Variants in CACNG2 observed in about 807,000 individuals in gnomAD.
CACNG2 encodes the protein voltage-dependent calcium channel gamma-2 subunit.
CACNG2 carries 3 observed loss-of-function variants against 25.9 expected under a neutral mutation model. The observed-to-expected ratio is 0.12, with a 90% CI of 0.05 to 0.30. The LOEUF is 0.30. Ranked by LOEUF, CACNG2 falls within the 10% of genes least tolerant of loss-of-function variation. The probability of loss-of-function intolerance (pLI) is 1.00; values close to 1 mark genes in which losing one functional copy is unlikely to be tolerated. For missense variants in CACNG2, 341 were observed against 432.5 expected, an observed-to-expected ratio of 0.79 and a Z score of 1.88; for synonymous variants, 167 against 173.3, an observed-to-expected ratio of 0.96 and a Z score of 0.29.
At chr22:36,576,824 G>A (rs1313346893) in intron 2 of CACNG2, among the ~76,000 whole-genome samples, 1 of 152,132 alleles carries the variant, frequency 6.6e-6, no homozygotes, top group Non-Finnish European at 1.5e-5. Context: ...CCCTCATAGG[G>A]TGGTTGTGAA....
At chr22:36,591,203 A>AT (rs930640312) in intron 1 of CACNG2, among the ~76,000 whole-genome samples, 270 of 147,884 alleles carry the variant, frequency 1.8e-3, no homozygotes, top group Middle Eastern at 7.1e-3. Flanking sequence ...CGCCCGGCTA[A>AT]TTTTTTTTTT....
chr22:36,607,790 C>T (rs562419340), intron 1 of CACNG2, among the ~76,000 whole-genome samples: 1 of 152,340 alleles, frequency 6.6e-6, no homozygotes, highest in South Asian at 2.1e-4. Flanking sequence ...GGATTCCCAG[C>T]TAGATCCAAT....
intron 1 of CACNG2, among the ~76,000 whole-genome samples, chr22:36,646,689 G>T (rs1314192429): frequency 6.6e-6 from 1 of 151,564 alleles, no homozygotes; most frequent in East Asian, 2.0e-4. Flanking sequence ...CTAGTTGTAT[G>T]CTCTTTTCTT....
chr22:36,650,186 C>G (rs1936586707), intron 1 of CACNG2, among the ~76,000 whole-genome samples: 3 of 152,184 alleles, frequency 2.0e-5, no homozygotes. Flanking sequence ...CAAGTTAGGT[C>G]ACTTCTCTGC....
chr22:36,637,358 G>GTA (rs1936372648), intron 1 of CACNG2, among the ~76,000 whole-genome samples: 1 of 152,226 alleles, frequency 6.6e-6, no homozygotes, highest in Admixed American at 6.5e-5. Flanking sequence ...CCACTGACGA[G>GTA]TATTAGTGGA....
rs116075237 is a variant in CACNG2, at chr22:36,580,283, G to A, written c.295+7182C>T. 5.9e-3 allele frequency among the ~76,000 whole-genome samples: 904 copies of A among 152,106 alleles called. 7 individuals carry two copies. The highest frequency in any genetic ancestry group is 0.021 in the African/African-American group (860 of 41,486). On this transcript the variant is annotated intron_variant, in intron 2 of 3. Transcript: ENST00000300105. ...CACCCCCCAGACGGCCATCGTATGGGTCCTCCCTGCCTTGGCCGCCTTCTG... is the reference window on the plus strand; with the variant it reads ...CACCCCCCAGACGGCCATCGTATGGATCCTCCCTGCCTTGGCCGCCTTCTG...
rs1937426801 is a variant in CACNG2 at position 36,702,767 on chromosome 22, G to A, written c.-191C>T. 1.8e-6 allele frequency: 1 copy of A among 543,126 alleles called. No individual in the cohort carries two copies. Among genetic ancestry groups the A allele is most frequent in the Non-Finnish European group, 3.2e-6 (1 of 309,102 alleles). The allele number at this position is 543,126 out of a possible 1,614,324, so 33.6% of individuals were successfully genotyped here. On this transcript the variant is annotated 5_prime_UTR_variant, in exon 1 of 4. Transcript: ENST00000300105. Reference sequence around the variant, plus strand: ...GAGGTAAGAAAGCTCACGGAAAAGAGTGTAAATTATAAAGATCACACGGGA... The same window carrying A: ...GAGGTAAGAAAGCTCACGGAAAAGAATGTAAATTATAAAGATCACACGGGA...
chr22:36,697,486 G>T (rs1021966673), intron 1 of CACNG2, among the ~76,000 whole-genome samples: 2 of 152,190 alleles, frequency 1.3e-5, no homozygotes, highest in Non-Finnish European at 2.9e-5. Context: ...AGTCATAAGG[G>T]GCCTGGATTC....
intron 2 of CACNG2, among the ~76,000 whole-genome samples, chr22:36,577,422 C>T (rs112033560): frequency 0.023 from 3,511 of 151,990 alleles, 61 homozygotes; most frequent in East Asian, 0.036. Flanking sequence ...GAGGCCGAGG[C>T]GGGTGGATCA....
intron 1 of CACNG2, among the ~76,000 whole-genome samples, chr22:36,609,807 C>A (rs372821488): frequency 8.0e-5 from 12 of 150,806 alleles, no homozygotes; most frequent in African/African-American, 2.9e-4. Context: ...AGGAATCAGT[C>A]CCCCAGAGCA....
chr22:36,589,100 C>T (rs529463638), intron 1 of CACNG2, among the ~76,000 whole-genome samples: 5 of 151,106 alleles, frequency 3.3e-5, no homozygotes, highest in East Asian at 3.9e-4. Context: ...AAGTGATTCT[C>T]CTGCGTCAGC....
chr22:36,623,756 AACT>A lies in CACNG2; in HGVS notation c.212-36211_212-36209del, dbSNP rs1220740771. Among the ~76,000 whole-genome samples the A allele has an allele frequency of 5.9e-5, 9 of 151,896 alleles. No homozygotes were observed. The East Asian group carries it at 1.6e-3, about 26-fold the overall frequency. ...CGATGGTAATAAAAATGATAATGAT[AACT>A]ACTATTAGTATCATTCATTAAGACA... On this transcript the variant is annotated intron_variant, in intron 1 of 3. Coordinates refer to ENST00000300105, the MANE Select transcript of CACNG2 (RefSeq NM_006078.5).
At chr22:36,620,796 G>A (rs1427101706) in intron 1 of CACNG2, among the ~76,000 whole-genome samples, 6 of 152,202 alleles carry the variant, frequency 3.9e-5, no homozygotes, top group Non-Finnish European at 8.8e-5. Flanking sequence ...TATTTACCAG[G>A]TTCTGTCTTG....
At chr22:36,682,415 T>A (rs1000188485) in intron 1 of CACNG2, among the ~76,000 whole-genome samples, 1 of 152,112 alleles carries the variant, frequency 6.6e-6, no homozygotes, top group East Asian at 1.9e-4. Flanking sequence ...CAATAGGTAG[T>A]GTTTTTCTTC....
chr22:36,639,319 AG>A (rs1368522123), intron 1 of CACNG2, among the ~76,000 whole-genome samples: 10 of 152,236 alleles, frequency 6.6e-5, no homozygotes, highest in Non-Finnish European at 1.2e-4. Context: ...CATAAAGGGA[AG>A]TTAGGTCAGT....
intron 2 of CACNG2, among the ~76,000 whole-genome samples, chr22:36,571,957 G>A (rs1328059542): frequency 6.6e-6 from 1 of 151,878 alleles, no homozygotes; most frequent in African/African-American, 2.4e-5. Context: ...CACAGTAAAA[G>A]GTAGCAATTT....
At chr22:36,678,968 C>T (rs561353108) in intron 1 of CACNG2, among the ~76,000 whole-genome samples, 2 of 152,310 alleles carry the variant, frequency 1.3e-5, no homozygotes, top group African/African-American at 4.8e-5. Flanking sequence ...AGCCAATGCT[C>T]CCAATCAATG....
At chr22:36,680,460 T>G (rs1478049286) in intron 1 of CACNG2, among the ~76,000 whole-genome samples, 2 of 133,660 alleles carry the variant, frequency 1.5e-5, no homozygotes, top group African/African-American at 2.9e-5. Flanking sequence ...CCATCACCAC[T>G]TTCATCACCA....
intron 1 of CACNG2, among the ~76,000 whole-genome samples, chr22:36,619,892 C>T (rs2145948392): frequency 6.6e-6 from 1 of 152,322 alleles, no homozygotes; most frequent in Admixed American, 6.5e-5. Context: ...GGCAGCTGGA[C>T]ATGTTTATCA....
Sources: allele counts gnomAD v4.1 joint callset (sites outside exome capture counted in the v4.1 genomes callset), GRCh38; gene constraint gnomAD v4.1.1; transcripts MANE v1.5; gene names NCBI Gene and HGNC (gene_info 2026-07-23, HGNC 2026-07-21).